The following CCNY variants were observed in gnomAD, a reference collection of about 807,000 sequenced individuals.
The protein encoded by CCNY is cyclin Y.
Under a neutral mutation model 42.8 loss-of-function variants are expected in CCNY, and 19 were observed. The ratio of observed to expected loss-of-function variants is 0.44; its 90% confidence interval spans 0.31 to 0.65. CCNY has a LOEUF of 0.65. Among genes scored for constraint, CCNY ranks in the 30% least tolerant of loss-of-function variants. The probability of loss-of-function intolerance (pLI) is 0.07; values close to 1 mark genes in which losing one functional copy is unlikely to be tolerated. For synonymous variants in CCNY, 165 were observed against 162.7 expected, an observed-to-expected ratio of 1.01 and a Z score of -0.11; for missense variants, 370 against 437.3, an observed-to-expected ratio of 0.85 and a Z score of 1.37.
intron 3 of CCNY, among the ~76,000 whole-genome samples, chr10:35,279,617 G>A (rs1051377006): frequency 6.6e-6 from 1 of 152,180 alleles, no homozygotes; most frequent in Non-Finnish European, 1.5e-5. Context: ...GGCATCTGAG[G>A]AAGGCCTCAT....
intron 3 of CCNY, among the ~76,000 whole-genome samples, chr10:35,512,802 A>T (rs1247718518): frequency 6.6e-6 from 1 of 151,718 alleles, no homozygotes; most frequent in Admixed American, 6.6e-5. Flanking sequence ...CAGCATGGTG[A>T]TGGGTGGAGG....
At chr10:35,417,041 TCAG>T (rs1838039601) in intron 1 of CCNY, among the ~76,000 whole-genome samples, 7 of 152,226 alleles carry the variant, frequency 4.6e-5, no homozygotes. Flanking sequence ...GCCACCTTCT[TCAG>T]CAGTAACACA....
At chr10:35,546,148 A>C (rs1474646181) in intron 7 of CCNY, among the ~76,000 whole-genome samples, 2 of 152,232 alleles carry the variant, frequency 1.3e-5, no homozygotes, top group African/African-American at 4.8e-5. Context: ...CTAATCATCC[A>C]AACCAAACAG....
rs149746129 is a variant in CCNY, at chr10:35,287,715, C to A, written c.-9+37089C>A. ...TTTCATTGTATTTAATATGAATATA[C>A]CATAATTTGATTGTCTTTTCACTTG... On this transcript the variant is annotated intron_variant, in intron 3 of 11. Coordinates refer to the CCNY transcript ENST00000374706. 2.9e-4 allele frequency among the ~76,000 whole-genome samples: 44 copies of A among 152,116 alleles called. No homozygotes were observed. The East Asian group carries it at 6.8e-3, about 23-fold the overall frequency.
intron 2 of CCNY, among the ~76,000 whole-genome samples, chr10:35,484,989 T>C (rs1482818380): frequency 6.6e-6 from 1 of 152,242 alleles, no homozygotes; most frequent in African/African-American, 2.4e-5. Flanking sequence ...ACCTTTGCAC[T>C]AGATATCATT....
intron 3 of CCNY, among the ~76,000 whole-genome samples, chr10:35,292,937 G>A (rs911991659): frequency 3.3e-5 from 5 of 151,504 alleles, no homozygotes; most frequent in Non-Finnish European, 5.9e-5. Context: ...CTGTTACCAC[G>A]CCTAGCTAAT....
chr10:35,363,916 C>G (rs1184206131), intron 1 of CCNY, among the ~76,000 whole-genome samples: 1 of 152,002 alleles, frequency 6.6e-6, no homozygotes, highest in Non-Finnish European at 1.5e-5. Context: ...TGGAGAAGAG[C>G]GGAGAAAGAT....
intron 1 of CCNY, among the ~76,000 whole-genome samples, chr10:35,453,286 T>C (rs1322957882): frequency 6.6e-6 from 1 of 152,256 alleles, no homozygotes; most frequent in Non-Finnish European, 1.5e-5. Flanking sequence ...AACAGAAGTA[T>C]TTCTCCAATT....
chr10:35,396,836 C>T (rs4934545), intron 1 of CCNY, among the ~76,000 whole-genome samples: 42,322 of 152,128 alleles, frequency 0.28, 6,171 homozygotes, highest in East Asian at 0.35. Context: ...GATCTGGAGG[C>T]GCAGACTGTT....
intron 1 of CCNY, among the ~76,000 whole-genome samples, chr10:35,482,801 T>TGTGTG (rs4007247): frequency 2.8e-5 from 4 of 140,914 alleles, no homozygotes; most frequent in Admixed American, 7.2e-5. Context: ...TGTGTGTGTG[T>TGTGTG]TATGTGTTTG....
At chr10:35,353,049 C>G (rs1245915113) in intron 1 of CCNY, among the ~76,000 whole-genome samples, 1 of 152,114 alleles carries the variant, frequency 6.6e-6, no homozygotes, top group Non-Finnish European at 1.5e-5. Context: ...CTTTAGCCTC[C>G]CGAGTAGCTG....
chr10:35,260,175 C>A (rs1471855791), intron 3 of CCNY, among the ~76,000 whole-genome samples: 1 of 152,174 alleles, frequency 6.6e-6, no homozygotes, highest in African/African-American at 2.4e-5. Context: ...TATCATGCTA[C>A]CTCATCCTTC....
At chr10:35,427,958 T>G (rs1036999344) in intron 1 of CCNY, among the ~76,000 whole-genome samples, 1 of 152,100 alleles carries the variant, frequency 6.6e-6, no homozygotes, top group African/African-American at 2.4e-5. Context: ...CTCCCCTTCC[T>G]TCTGTTAAGT....
chr10:35,330,009 G>C (rs993607848), intron 3 of CCNY, among the ~76,000 whole-genome samples: 1 of 152,168 alleles, frequency 6.6e-6, no homozygotes, highest in Admixed American at 6.5e-5. Flanking sequence ...AGACAAGTAC[G>C]TTAATACAAC....
chr10:35,336,494 G>A (rs1836029541), upstream of CCNY: 2 of 150,748 alleles, frequency 1.3e-5, no homozygotes, highest in East Asian at 2.0e-4. Context: ...CCGCTGGCGA[G>A]GGAGGGCCGC....
intron 3 of CCNY, among the ~76,000 whole-genome samples, chr10:35,321,943 G>C (rs1835826833): frequency 6.6e-6 from 1 of 152,160 alleles, no homozygotes; most frequent in African/African-American, 2.4e-5. Context: ...GGGAAAGACA[G>C]TCTTTTCAAC....
intron 4 of CCNY, among the ~76,000 whole-genome samples, chr10:35,519,055 TGTGA>T (rs1840489174): frequency 6.6e-6 from 1 of 151,410 alleles, no homozygotes; most frequent in Non-Finnish European, 1.5e-5. Flanking sequence ...TGAGGTATAT[TGTGA>T]GTATCTGGAT....
At chr10:35,466,888 C>T (rs568350924) in intron 1 of CCNY, among the ~76,000 whole-genome samples, 2 of 152,216 alleles carry the variant, frequency 1.3e-5, no homozygotes, top group African/African-American at 2.4e-5. Context: ...TCCTCCTGCC[C>T]CAGCCTCCCT....
At chr10:35,266,382 G>C (rs962891377) in intron 3 of CCNY, among the ~76,000 whole-genome samples, 1 of 150,816 alleles carries the variant, frequency 6.6e-6, no homozygotes. Context: ...TTACAGGCGT[G>C]AGCCACCACC....
Sources: allele counts gnomAD v4.1 joint callset (sites outside exome capture counted in the v4.1 genomes callset), GRCh38; gene constraint gnomAD v4.1.1; transcripts MANE v1.5; gene names NCBI Gene and HGNC (gene_info 2026-07-23, HGNC 2026-07-21).